GAB4: variants seen among roughly 807,000 people sequenced by gnomAD.
The protein encoded by GAB4 is GRB2 associated binding protein family member 4.
A neutral mutation model predicts 51.3 loss-of-function variants in GAB4; 26 were observed. That is an observed-to-expected ratio of 0.51 (90% CI 0.37 to 0.70). GAB4 has a LOEUF of 0.70. GAB4 is among the 30% of genes least tolerant of loss of function. GAB4 has a pLI of 0.00. For missense variants in GAB4, 759 were observed against 734.6 expected (o/e 1.03, Z -0.38); for synonymous variants, 329 against 291.2 (o/e 1.13, Z -1.32).
At chr22:16,995,061 A>T (rs2060940310) in intron 1 of GAB4, among the ~76,000 whole-genome samples, 1 of 152,208 alleles carries the variant, frequency 6.6e-6, no homozygotes. Flanking sequence ...ACGTTAAGCC[A>T]ACTTTGCATT....
rs1244623090 is a variant in GAB4, at chr22:16,985,899, C to T, written c.686+2061G>A. The stretch of plus-strand genomic sequence containing the variant: ...CATCTTAACACAGAAATCCATAACA[C>T]GACCTCCATAACATCCAGAACATCT... On this transcript the variant is annotated intron_variant, in intron 3 of 9. Coordinates refer to ENST00000400588, the MANE Select transcript of GAB4 (RefSeq NM_001037814.1). Among the ~76,000 whole-genome samples the T allele has an allele frequency of 4.6e-5, 7 of 152,350 alleles. No individual in the cohort carries two copies. In the South Asian group the frequency reaches 1.0e-3, roughly 23 times the overall value.
chr22:16,962,609 G>T lies in GAB4; in HGVS notation c.*124C>A. 1.2e-6 allele frequency: 1 copy of T among 837,508 alleles called. No individual in the cohort carries two copies. The allele number at this position is 837,508 out of a possible 1,614,324, so 51.9% of individuals were successfully genotyped here. A position where few individuals can be genotyped will look rare whatever the true frequency, so the allele number is the denominator to read the frequency against. On this transcript the variant is annotated 3_prime_UTR_variant, in exon 10 of 10. Coordinates refer to ENST00000400588, the MANE Select transcript of GAB4 (RefSeq NM_001037814.1). Reference sequence around the variant, plus strand: ...GGTGGGCCCCAAGCAGGCAAAGGATGTATATTGATCAGGCCTCTGCTCTCT... The same window carrying T: ...GGTGGGCCCCAAGCAGGCAAAGGATTTATATTGATCAGGCCTCTGCTCTCT...
intron 3 of GAB4, among the ~76,000 whole-genome samples, chr22:16,970,683 C>A (rs1372184693): frequency 6.6e-6 from 1 of 152,152 alleles, no homozygotes. Context: ...GCAAGCGAGT[C>A]ATCTCATCTC....
intron 1 of GAB4, among the ~76,000 whole-genome samples, chr22:16,998,396 T>C (rs542543182): frequency 2.6e-5 from 4 of 152,330 alleles, no homozygotes; most frequent in African/African-American, 7.2e-5. Flanking sequence ...TATTTTATTC[T>C]CTTTGAAGCA....
In GAB4 at chr22:16,996,995, C is replaced by A. The variant is rs552737394; in HGVS notation, c.175-4819G>T. ...GGCCCTACAAAGGACATGAACTCAT[C>A]ATTTTTTATGGCTGCATAGTATTCC... On this transcript the variant is annotated intron_variant, in intron 1 of 9. Transcript: ENST00000400588. 6.6e-5 allele frequency among the ~76,000 whole-genome samples: 10 copies of A among 152,246 alleles called. No homozygotes were observed. The South Asian group carries it at 2.1e-3, about 32-fold the overall frequency.
chr22:16,966,191 T>C lies in GAB4; in HGVS notation c.1197A>G (p.Pro399=), dbSNP rs746816832. 2.7e-5 allele frequency: 43 copies of C among 1,613,528 alleles called. No homozygotes were observed. The highest frequency in any genetic ancestry group is 1.1e-4 in the East Asian group (5 of 44,818). The part of the protein sequence containing the change: ...CLVRFDLLGS[P]LTELSMHQDL... ...CTTGGTGCATAGAAAGCTCTGTGAG[T>C]GGGGAGCCAAGCAGGTCAAAGCGAA... Residue 399 remains proline, a synonymous_variant, in exon 6 of 10, where the codon CCA becomes CCG. Transcript: ENST00000400588.
At chr22:16,978,933 CAT>C (rs1391807948) in intron 3 of GAB4, among the ~76,000 whole-genome samples, 1 of 152,148 alleles carries the variant, frequency 6.6e-6, no homozygotes, top group Non-Finnish European at 1.5e-5. Flanking sequence ...ACAAAAACCA[CAT>C]GATTATCTCA....
rs1338018375 is a variant in GAB4 at position 16,992,030 on chromosome 22, A to G, written c.321T>C (p.Thr107=). 1 of 1,614,206 alleles carries G rather than the reference A, an allele frequency of 6.2e-7. No individual in the cohort carries two copies. Among genetic ancestry groups the G allele is most frequent in the African/African-American group, 1.3e-5 (1 of 75,056 alleles). Residue 107 remains threonine (T), a synonymous_variant, in exon 2 of 10, where the codon ACT becomes ACC. Transcript: ENST00000400588. ...GAATCTCCTTCTTGTTGAAGTTCAG[A>G]GTCACATCAACATCCAGCTGCTCAC... is the stretch of plus-strand genomic sequence containing the variant. ...NLCEQLDVDV[T]LNFNKKEIQK...
Position 16,963,749 on chromosome 22 carries a change from C to G in GAB4, c.1557G>C (p.Ala519=), listed in dbSNP as rs904113319. The G allele has an allele frequency of 1.9e-6, 3 of 1,613,546 alleles. No individual in the cohort carries two copies. Among genetic ancestry groups the G allele is most frequent in the Non-Finnish European group, 1.7e-6 (2 of 1,179,944 alleles). Reference sequence around the variant, plus strand: ...CCTTGCTCGGCTGGAAGTCCAGGGCCGCGTAGTGGATGTTACCAGTGCTCC... The same window carrying G: ...CCTTGCTCGGCTGGAAGTCCAGGGCGGCGTAGTGGATGTTACCAGTGCTCC... ...PPRSTGNIHY[A]ALDFQPSKPS... The change falls in exon 9 of 10, where the codon GCG becomes GCC. Residue 519 remains alanine (A), a synonymous_variant. Coordinates refer to ENST00000400588, the MANE Select transcript of GAB4 (RefSeq NM_001037814.1).
intron 2 of GAB4, among the ~76,000 whole-genome samples, 188 bp from the exon 3 acceptor site, chr22:16,988,355 T>C (rs1194940796): frequency 1.3e-5 from 2 of 152,196 alleles, no homozygotes; most frequent in African/African-American, 2.4e-5. Context: ...GCTCTGCCTC[T>C]TTCCTACCCT....
Position 16,992,056 on chromosome 22 carries a change from A to G in GAB4, c.295T>C (p.Cys99Arg). Reference protein sequence around the residue: ...KPLRTINLNLCEQLDVDVTLN... With the variant: ...KPLRTINLNLREQLDVDVTLN... ...GTCACATCAACATCCAGCTGCTCAC[A>G]GAGGTTCAGGTTGATGGTGCGCAGG... The change falls in exon 2 of 10, where the codon TGT (cysteine) becomes CGT (arginine). Residue 99 changes from cysteine (C) to arginine (R), a missense_variant. Physicochemically the swap from Cys to Arg is radical, Grantham distance 180. Coordinates refer to ENST00000400588, the MANE Select transcript of GAB4 (RefSeq NM_001037814.1). 1 of 1,614,228 alleles carries G rather than the reference A, an allele frequency of 6.2e-7. No individual in the cohort carries two copies. Among genetic ancestry groups the G allele is most frequent in the African/African-American group, 1.3e-5 (1 of 75,064 alleles).
intron 1 of GAB4, among the ~76,000 whole-genome samples, chr22:17,005,228 T>C (rs569257734): frequency 2.8e-4 from 42 of 152,206 alleles, no homozygotes; most frequent in African/African-American, 9.6e-4. Context: ...GAGAGCCAAA[T>C]CATGAGTGAA....
At chr22:16,987,729 T>G (rs1015218568) in intron 3 of GAB4, among the ~76,000 whole-genome samples, 2 of 152,242 alleles carry the variant, frequency 1.3e-5, no homozygotes, top group Admixed American at 6.5e-5. Context: ...ATGGTTTTTT[T>G]ATAATGGTAG....
At chr22:16,978,988 G>A (rs188617189) in intron 3 of GAB4, among the ~76,000 whole-genome samples, 26 of 152,054 alleles carry the variant, frequency 1.7e-4, no homozygotes, top group Admixed American at 1.2e-3. Flanking sequence ...ACACCCCTTC[G>A]TGCTAAAAAA....
intron 3 of GAB4, among the ~76,000 whole-genome samples, chr22:16,983,427 T>C (rs2060842668): frequency 1.3e-5 from 2 of 152,164 alleles, no homozygotes; most frequent in Non-Finnish European, 2.9e-5. Flanking sequence ...CCATTCTGTA[T>C]TTTCTACAGA....
At chr22:16,993,118 A>G (rs1476468638) in intron 1 of GAB4, among the ~76,000 whole-genome samples, 2 of 152,172 alleles carry the variant, frequency 1.3e-5, no homozygotes, top group African/African-American at 4.8e-5. Flanking sequence ...ATTTTGTCTT[A>G]GGCTGTCTTC....
intron 5 of GAB4, 94 bp from the exon 6 acceptor site, chr22:16,966,458 G>T: frequency 7.6e-7 from 1 of 1,322,840 alleles, no homozygotes. Flanking sequence ...AGTCATGACG[G>T]GGTGTTTTGA....
At chr22:16,969,829 T>C in intron 4 of GAB4, 114 bp downstream of exon 4, 1 of 1,285,174 alleles carries the variant, frequency 7.8e-7, no homozygotes, top group Non-Finnish European at 1.1e-6. Context: ...AACGTGACTG[T>C]CCTAGGAATC....
At chr22:16,983,717 A>G (rs1455535128) in intron 3 of GAB4, among the ~76,000 whole-genome samples, 2 of 152,228 alleles carry the variant, frequency 1.3e-5, no homozygotes, top group Admixed American at 6.5e-5. Flanking sequence ...AGTCTCTTCA[A>G]TAAATGGTGC....
Sources: gnomAD v4.1 joint callset for allele counts (sites outside exome capture counted in the v4.1 genomes callset) on GRCh38, gnomAD v4.1.1 for gene constraint, MANE v1.5 for transcripts, NCBI Gene and HGNC (gene_info 2026-07-23, HGNC 2026-07-21) for gene names.